Variants in RUNDC3B observed in about 807,000 individuals in gnomAD.
RUNDC3B encodes the protein RUN domain containing 3B, also known as RUN domain-containing protein 3B.
A neutral mutation model predicts 58.4 loss-of-function variants in RUNDC3B; 33 were observed. The observed-to-expected ratio is 0.56, with a 90% confidence interval of 0.43 to 0.75. The LOEUF (loss-of-function observed/expected upper bound fraction) is 0.75, where lower values mean the gene tolerates loss of function less well. Ranked by LOEUF, RUNDC3B falls within the 30% of genes least tolerant of loss-of-function variation. The probability of loss-of-function intolerance (pLI) is 0.00; values close to 1 mark genes in which losing one functional copy is unlikely to be tolerated. For missense variants in RUNDC3B, 501 were observed against 535.7 expected (o/e 0.94, Z 0.64); for synonymous variants, 193 against 195.2 (o/e 0.99, Z 0.10).
chr7:87,822,117 G>A (rs1413394232), intron 10 of RUNDC3B, among the ~76,000 whole-genome samples: 5 of 152,048 alleles, frequency 3.3e-5, no homozygotes, highest in Admixed American at 1.3e-4. Flanking sequence ...CTACAAAATG[G>A]GAGAAAATTT....
intron 2 of RUNDC3B, among the ~76,000 whole-genome samples, chr7:87,697,999 TAAAAG>T (rs1828647041): frequency 6.6e-6 from 1 of 152,188 alleles, no homozygotes; most frequent in Non-Finnish European, 1.5e-5. Flanking sequence ...AATTTTTAGT[TAAAAG>T]AAGAGAGGGA....
intron 9 of RUNDC3B, among the ~76,000 whole-genome samples, chr7:87,810,672 T>G (rs1158258590): frequency 1.3e-5 from 2 of 152,220 alleles, no homozygotes; most frequent in Non-Finnish European, 2.9e-5. Flanking sequence ...GATCTTAAAT[T>G]TATTTCTCTT....
At chr7:87,676,048 AG>A (rs2130555120) in intron 2 of RUNDC3B, among the ~76,000 whole-genome samples, 1 of 151,798 alleles carries the variant, frequency 6.6e-6, no homozygotes, top group East Asian at 2.0e-4. Flanking sequence ...CAACATAGTG[AG>A]ATTCCCATCT....
Position 87,807,368 on chromosome 7 carries a change from C to T in RUNDC3B, c.957-5C>T. ...CAAAAGCACTCACCATCTTAATATTCACAGGACTGTGCTAAAGAATAATGA... is the reference window on the plus strand; with the variant it reads ...CAAAAGCACTCACCATCTTAATATTTACAGGACTGTGCTAAAGAATAATGA... On this transcript the variant is annotated splice_region_variant and splice_polypyrimidine_tract_variant and intron_variant, in intron 8 of 10. Transcript: ENST00000394654. 1.9e-6 allele frequency: 3 copies of T among 1,613,366 alleles called. No individual in the cohort carries two copies. Among genetic ancestry groups the T allele is most frequent in the Non-Finnish European group, 2.5e-6 (3 of 1,179,468 alleles).
At chr7:87,691,382 C>T (rs1292478277) in intron 2 of RUNDC3B, among the ~76,000 whole-genome samples, 1 of 152,062 alleles carries the variant, frequency 6.6e-6, no homozygotes, top group Non-Finnish European at 1.5e-5. Flanking sequence ...CCTGAAATAA[C>T]TATATGGTAT....
intron 10 of RUNDC3B, among the ~76,000 whole-genome samples, chr7:87,822,743 A>C (rs1392078503): frequency 6.6e-6 from 1 of 152,202 alleles, no homozygotes; most frequent in Admixed American, 6.5e-5. Flanking sequence ...TTATAGGGAC[A>C]TGGATGAAAC....
chr7:87,661,026 A>G (rs1824650716), intron 2 of RUNDC3B, among the ~76,000 whole-genome samples: 1 of 151,822 alleles, frequency 6.6e-6, no homozygotes, highest in African/African-American at 2.4e-5. Context: ...TTAATTGTTG[A>G]TTATCTTTTT....
intron 6 of RUNDC3B, among the ~76,000 whole-genome samples, chr7:87,752,252 T>A (rs1833052787): frequency 6.6e-6 from 1 of 152,210 alleles, no homozygotes; most frequent in Non-Finnish European, 1.5e-5. Flanking sequence ...ATAAGCTTTT[T>A]GATGTGCTGC....
chr7:87,696,103 A>G (rs958085907), intron 2 of RUNDC3B, among the ~76,000 whole-genome samples: 1 of 152,172 alleles, frequency 6.6e-6, no homozygotes, highest in Admixed American at 6.5e-5. Flanking sequence ...CATTGGGAAA[A>G]TGTTAACTTC....
intron 2 of RUNDC3B, among the ~76,000 whole-genome samples, chr7:87,694,632 C>T (rs1379011584): frequency 6.6e-6 from 1 of 152,136 alleles, no homozygotes; most frequent in East Asian, 1.9e-4. Flanking sequence ...TCACTACTGA[C>T]ACACATTATA....
intron 6 of RUNDC3B, among the ~76,000 whole-genome samples, chr7:87,747,831 A>G (rs1216445765): frequency 1.3e-5 from 2 of 152,124 alleles, no homozygotes; most frequent in African/African-American, 4.8e-5. Flanking sequence ...CACTCCCACC[A>G]TGCCCCTGCC....
chr7:87,690,684 G>C (rs1827929792), intron 2 of RUNDC3B, among the ~76,000 whole-genome samples: 1 of 152,088 alleles, frequency 6.6e-6, no homozygotes, highest in East Asian at 1.9e-4. Flanking sequence ...TAAATACAAA[G>C]TGAAAGATTA....
At chr7:87,785,754 T>C (rs1195829436) in intron 8 of RUNDC3B, among the ~76,000 whole-genome samples, 1 of 152,194 alleles carries the variant, frequency 6.6e-6, no homozygotes, top group African/African-American at 2.4e-5. Flanking sequence ...ACTTAGGGGA[T>C]GGGAACCTAT....
chr7:87,692,328 G>A (rs745815948), intron 2 of RUNDC3B, among the ~76,000 whole-genome samples: 17 of 152,060 alleles, frequency 1.1e-4, no homozygotes, highest in Non-Finnish European at 2.2e-4. Flanking sequence ...CTGGTGGCAC[G>A]CACCTGTAGT....
chr7:87,729,594 C>A (rs778958107), intron 4 of RUNDC3B, among the ~76,000 whole-genome samples: 1 of 152,058 alleles, frequency 6.6e-6, no homozygotes, highest in Non-Finnish European at 1.5e-5. Flanking sequence ...CAAGACCTAC[C>A]AGTATGGGCT....
At position 87,689,203 on chromosome 7, in the gene RUNDC3B, AAG is replaced by A. The variant is rs1827774450; in HGVS notation, c.239-11213_239-11212del. On this transcript the variant is annotated intron_variant, in intron 2 of 10. Coordinates refer to ENST00000394654, the MANE Select transcript of RUNDC3B (RefSeq NM_001134405.2). ...TTTTTTTGAATGTCTTCTTTATAAT[AAG>A]AGAGTTAAAGAAATGTTTTAGTCTA... is the stretch of plus-strand genomic sequence containing the variant. Among the ~76,000 whole-genome samples the A allele has an allele frequency of 2.0e-5, 3 of 152,092 alleles. No homozygotes were observed. In the South Asian group the frequency reaches 6.2e-4, roughly 32 times the overall value.
intron 7 of RUNDC3B, among the ~76,000 whole-genome samples, chr7:87,775,253 T>G (rs1834556254): frequency 6.6e-6 from 1 of 152,194 alleles, no homozygotes; most frequent in Admixed American, 6.5e-5. Context: ...GTTGTAGGCC[T>G]AGGCTAATGT....
intron 8 of RUNDC3B, 40 bp downstream of exon 8, chr7:87,777,995 A>G: frequency 1.9e-6 from 3 of 1,560,570 alleles, no homozygotes; most frequent in Non-Finnish European, 2.6e-6. Flanking sequence ...GTAGCATGTA[A>G]ACATTAAGAC....
At chr7:87,673,114 G>A (rs1825997823) in intron 2 of RUNDC3B, among the ~76,000 whole-genome samples, 1 of 152,130 alleles carries the variant, frequency 6.6e-6, no homozygotes, top group South Asian at 2.1e-4. Context: ...CCCTTTGTAG[G>A]TGACCTTCCC....
Sources: allele counts gnomAD v4.1 joint callset (sites outside exome capture counted in the v4.1 genomes callset), GRCh38; gene constraint gnomAD v4.1.1; transcripts MANE v1.5; gene names NCBI Gene and HGNC (gene_info 2026-07-23, HGNC 2026-07-21).